The following EMX2 variants were observed in gnomAD, a reference collection of about 807,000 sequenced individuals.
EMX2 encodes the protein homeobox protein EMX2.
A neutral mutation model predicts 23.0 loss-of-function variants in EMX2; 6 were observed. The ratio of observed to expected loss-of-function variants is 0.26; its 90% CI spans 0.14 to 0.52. EMX2 has a LOEUF of 0.52. Ranked by LOEUF, EMX2 falls within the 20% of genes least tolerant of loss-of-function variation. The pLI is 0.97. For synonymous variants in EMX2, 175 were observed against 153.3 expected (o/e 1.14, Z -1.04); for missense variants, 302 against 341.4 (o/e 0.88, Z 0.91).
At chr10:117,544,722 C>G (rs1846550605) in intron 1 of EMX2, 1 of 152,170 alleles carries the variant, frequency 6.6e-6, no homozygotes, top group Non-Finnish European at 1.5e-5. Context: ...TACCCTTAAT[C>G]CCGAACTGGA....
At chr10:117,545,560 C>T (rs1846565164) in intron 1 of EMX2, 72 bp from the exon 2 acceptor site, 4 of 1,593,024 alleles carry the variant, frequency 2.5e-6, no homozygotes, top group Non-Finnish European at 3.4e-6. Flanking sequence ...CGGGCCAGCC[C>T]GGCTCGGGAG....
chr10:117,548,235 A>T lies in EMX2; in HGVS notation c.*3A>T. On this transcript the variant is annotated 3_prime_UTR_variant, in exon 3 of 3. Coordinates refer to ENST00000553456, the MANE Select transcript of EMX2 (RefSeq NM_004098.4). Reference sequence around the variant, plus strand: ...TAGACGTGACCTCAGATGATTAAAAACATAAACCTAACCCCACAGAAACGG... The same window carrying T: ...TAGACGTGACCTCAGATGATTAAAATCATAAACCTAACCCCACAGAAACGG... The T allele has an allele frequency of 6.2e-7, 1 of 1,613,582 alleles. No individual in the cohort carries two copies. Among genetic ancestry groups the T allele is most frequent in the East Asian group, 2.2e-5 (1 of 44,880 alleles).
chr10:117,545,228 G>C (rs1174633819), intron 1 of EMX2: 4 of 174,858 alleles, frequency 2.3e-5, no homozygotes, highest in Non-Finnish European at 4.8e-5. Context: ...AGTTCCCCGA[G>C]AGGTTAGAAA....
In EMX2 at chr10:117,548,157, G is replaced by A. The variant is rs781687437; in HGVS notation, c.684G>A (p.Thr228=). ...GSDSQQKKKG[T]HHINRWRIAT... ...ATTCGCAACAAAAGAAAAAAGGGAC[G>A]CACCATATTAACCGGTGGAGAATCG... The change falls in exon 3 of 3, where the codon ACG becomes ACA. Residue 228 remains threonine, a synonymous_variant. Transcript: ENST00000553456. 1.9e-6 allele frequency: 3 copies of A among 1,613,952 alleles called. No individual in the cohort carries two copies. Among genetic ancestry groups the A allele is most frequent in the South Asian group, 2.2e-5 (2 of 91,054 alleles).
At chr10:117,545,351 G>A in intron 1 of EMX2, 1 of 349,276 alleles carries the variant, frequency 2.9e-6, no homozygotes, top group Non-Finnish European at 5.2e-6. Context: ...GCGGCGCCAG[G>A]GCGGCTGCGG....
At position 117,542,954 on chromosome 10, in the gene EMX2, A is replaced by C. The variant is rs1376855835; in HGVS notation, c.-314A>C. 1.2e-5 allele frequency: 3 copies of C among 254,388 alleles called. No homozygotes were observed. The highest frequency in any genetic ancestry group is 2.2e-5 in the Non-Finnish European group (3 of 137,230). The allele number at this position is 254,388 out of a possible 1,614,324, so 15.8% of individuals were successfully genotyped here. On this transcript the variant is annotated 5_prime_UTR_variant, in exon 1 of 3. Transcript: ENST00000553456. ...AAAAAAAAAGAAAAAAAAAGAAAAA[A>C]AAAGAAAAAAAATTACCCCAATCCA...
In EMX2 at chr10:117,543,498, C is replaced by T. The variant is rs1846525919; in HGVS notation, c.231C>T (p.His77=). The T allele has an allele frequency of 5.0e-6, 8 of 1,607,340 alleles. No homozygotes were observed. The highest frequency in any genetic ancestry group is 1.7e-5 in the Admixed American group (1 of 59,656). The change falls in exon 1 of 3, where the codon CAC becomes CAT. Residue 77 remains histidine, a synonymous_variant. Transcript: ENST00000553456. ...TGGTGTTCGCCGAGGCGGTCTCGCACCCGCCCAACCCCGCCGTGCCAGTGC... is the reference window on the plus strand; with the variant it reads ...TGGTGTTCGCCGAGGCGGTCTCGCATCCGCCCAACCCCGCCGTGCCAGTGC... The part of the protein sequence containing the change: ...PDLVFAEAVS[H]PPNPAVPVHP...
intron 2 of EMX2, among the ~76,000 whole-genome samples, chr10:117,547,833 G>A (rs1219622655): frequency 6.6e-6 from 1 of 152,234 alleles, no homozygotes; most frequent in African/African-American, 2.4e-5. Context: ...CTGGGGAAAG[G>A]CTCTTCAGGA....
chr10:117,545,857 G>A (rs1846571119), intron 2 of EMX2, 41 bp downstream of exon 2: 4 of 1,612,508 alleles, frequency 2.5e-6, no homozygotes, highest in South Asian at 2.2e-5. Context: ...CTAGGCGTGC[G>A]CCCCCTCCCC....
At position 117,543,024 on chromosome 10, in the gene EMX2, T is replaced by C; in HGVS notation, c.-244T>C. ...AAGGATTTTCCCCCCTCTCTTCAGGTTGGGCGCGTTTGGTGCAAGATTCTC... is the reference window on the plus strand; with the variant it reads ...AAGGATTTTCCCCCCTCTCTTCAGGCTGGGCGCGTTTGGTGCAAGATTCTC... On this transcript the variant is annotated 5_prime_UTR_variant, in exon 1 of 3. Coordinates refer to ENST00000553456, the MANE Select transcript of EMX2 (RefSeq NM_004098.4). 2.4e-6 allele frequency: 1 copy of C among 419,302 alleles called. No homozygotes were observed. The highest frequency in any genetic ancestry group is 4.0e-5 in the South Asian group (1 of 25,186). 26.0% of individuals were successfully genotyped at this position (419,302 alleles called of 1,614,324 possible).
intron 2 of EMX2, 42 bp from the exon 3 acceptor site, chr10:117,548,023 C>A (rs780207838): frequency 6.3e-7 from 1 of 1,579,732 alleles, no homozygotes; most frequent in Non-Finnish European, 8.6e-7. Flanking sequence ...TAGAAGGGTG[C>A]TCTGAAAGAA....
At chr10:117,545,537 C>A in intron 1 of EMX2, 95 bp from the exon 2 acceptor site, 1 of 1,526,964 alleles carries the variant, frequency 6.5e-7, no homozygotes, top group East Asian at 2.3e-5. Context: ...TGCGAAGGCC[C>A]TGAGCACGGT....
At chr10:117,547,121 T>C (rs1314973469) in intron 2 of EMX2, among the ~76,000 whole-genome samples, 1 of 152,164 alleles carries the variant, frequency 6.6e-6, no homozygotes, top group African/African-American at 2.4e-5. Context: ...ACGACTCAGC[T>C]TTCCTAGGGG....
intron 1 of EMX2, chr10:117,544,964 C>G (rs1049980613): frequency 6.6e-5 from 10 of 151,622 alleles, no homozygotes; most frequent in Non-Finnish European, 1.3e-4. Flanking sequence ...AAGTCGGTAA[C>G]CCCCCGGGTT....
At position 117,543,383 on chromosome 10, in the gene EMX2, C is replaced by A; in HGVS notation, c.116C>A (p.Ala39Asp). 6.3e-7 allele frequency: 1 copy of A among 1,578,198 alleles called. No homozygotes were observed. The highest frequency in any genetic ancestry group is 8.6e-7 in the Non-Finnish European group (1 of 1,162,974). ...ATCCGTCCCGCGGCACTCAGCTACG[C>A]TAACTCCAGCCCCATAAATCCGTTC... ...DPIRPAALSY[A>D]NSSPINPFLN... is the part of the protein sequence containing the mutation. The change falls in exon 1 of 3, where the codon GCT becomes GAT. Residue 39 changes from alanine (A) to aspartate (D), a missense_variant. By Grantham distance (126) the Ala-to-Asp change is moderately radical. This residue lies in a region of EMX2 where 221 missense variants were observed against 206.8 expected (regional missense o/e 1.07). Transcript: ENST00000553456.
rs8192642 is a variant in EMX2, at chr10:117,545,691, C to A, written c.466C>A (p.Arg156=). 0.017 allele frequency: 27,257 copies of A among 1,614,126 alleles called. 281 individuals carry two copies. The highest frequency in any genetic ancestry group is 0.022 in the Middle Eastern group (132 of 6,062). ...CAACGCGCTGGCCCGAAAGCCCAAGCGGATCCGAACCGCCTTCTCCCCGTC... is the reference window on the plus strand; with the variant it reads ...CAACGCGCTGGCCCGAAAGCCCAAGAGGATCCGAACCGCCTTCTCCCCGTC... The part of the protein sequence containing the change: ...LHNALARKPK[R]IRTAFSPSQL... The change falls in exon 2 of 3, where the codon CGG becomes AGG. Residue 156 remains arginine (R), a synonymous_variant. Coordinates refer to ENST00000553456, the MANE Select transcript of EMX2 (RefSeq NM_004098.4).
chr10:117,547,774 C>T (rs1367665347), intron 2 of EMX2, among the ~76,000 whole-genome samples: 5 of 152,246 alleles, frequency 3.3e-5, no homozygotes, highest in Admixed American at 6.5e-5. Context: ...TAGATGCCCT[C>T]TGCAGGGCCA....
At position 117,548,407 on chromosome 10, in the gene EMX2, C is replaced by A; in HGVS notation, c.*175C>A. 9.4e-7 allele frequency: 1 copy of A among 1,069,020 alleles called. No individual in the cohort carries two copies. The highest frequency in any genetic ancestry group is 1.3e-6 in the Non-Finnish European group (1 of 759,080). 66.2% of individuals were successfully genotyped at this position (1,069,020 alleles called of 1,614,324 possible). On this transcript the variant is annotated 3_prime_UTR_variant, in exon 3 of 3. Coordinates refer to ENST00000553456, the MANE Select transcript of EMX2 (RefSeq NM_004098.4). ...GCGAAGACTCTGGACAGCGAGGGCACAGGGTCCCAAACCGAGGCCGCGCCA... is the reference window on the plus strand; with the variant it reads ...GCGAAGACTCTGGACAGCGAGGGCAAAGGGTCCCAAACCGAGGCCGCGCCA...
chr10:117,548,500 GAC>G lies in EMX2; in HGVS notation c.*272_*273del, dbSNP rs1413575176. 3.0e-5 allele frequency: 18 copies of G among 594,312 alleles called. No individual in the cohort carries two copies. The highest frequency in any genetic ancestry group is 1.2e-5 in the Non-Finnish European group (4 of 338,768). 36.8% of individuals were successfully genotyped at this position (594,312 alleles called of 1,614,324 possible). ...CGTCTAAAGAGGCAGCTGAGTGAGA[GAC>G]ACAGAGAGAAGGAGAAAGAGGGAGG... On this transcript the variant is annotated 3_prime_UTR_variant, in exon 3 of 3. Transcript: ENST00000553456.
Sources: gnomAD v4.1 joint callset for allele counts (sites outside exome capture counted in the v4.1 genomes callset) on GRCh38, gnomAD v4.1.1 for gene constraint, gnomAD v4.1.1 regional missense constraint, MANE v1.5 for transcripts, NCBI Gene and HGNC (gene_info 2026-07-23, HGNC 2026-07-21) for gene names.